MTMR1: variants seen among roughly 807,000 people sequenced by gnomAD.
The protein encoded by MTMR1 is phosphatidylinositol-3-phosphate phosphatase MTMR1.
In MTMR1, 17 loss-of-function variants were observed where a neutral mutation model predicts 51.6. The observed-to-expected ratio is 0.33, with a 90% CI of 0.23 to 0.49. The LOEUF (loss-of-function observed/expected upper bound fraction) is 0.49. Ranked by LOEUF, MTMR1 falls within the 20% of genes least tolerant of loss-of-function variation. The pLI, the probability that MTMR1 is intolerant of heterozygous loss-of-function variation, is 0.99. For synonymous variants in MTMR1, 201 were observed against 205.6 expected (o/e 0.98, Z 0.19); for missense variants, 386 against 526.9 (o/e 0.73, Z 2.62).
intron 10 of MTMR1, 39 bp from the exon 11 acceptor site, chrX:150,736,556 A>G: frequency 8.6e-7 from 1 of 1,161,880 alleles, no homozygotes; most frequent in Non-Finnish European, 1.2e-6. Context: ...AGAAAAGTTA[A>G]TTCCAGATAA....
chrX:150,729,674 C>A (rs2148623323), intron 6 of MTMR1, among the ~76,000 whole-genome samples: 1 of 112,412 alleles, frequency 8.9e-6, no homozygotes, highest in East Asian at 2.8e-4. Flanking sequence ...CTAATGTAAC[C>A]CTCCACAGAT....
chrX:150,760,112 T>C (rs1195318781), intron 15 of MTMR1, among the ~76,000 whole-genome samples: 3 of 109,005 alleles, frequency 2.8e-5, no homozygotes, highest in Non-Finnish European at 5.8e-5. Context: ...TCCATTGTGC[T>C]ACACAGAAGA....
In MTMR1 at chrX:150,693,603, G is replaced by A; in HGVS notation, c.73G>A (p.Gly25Ser). The A allele has an allele frequency of 1.3e-6, 1 of 759,092 alleles. No individual in the cohort carries two copies. The highest frequency in any genetic ancestry group is 2.3e-5 in the African/African-American group (1 of 43,600). 62.6% of individuals were successfully genotyped at this position (759,092 alleles called of 1,213,427 possible). A position where few individuals can be genotyped will look rare whatever the true frequency, so the allele number is the denominator to read the frequency against. ...GGGCCCGAACCCGGGGCCGGCGGGC[G>A]GCAGGAGGCCTCCTCGGGCCGCGGG... The part of the protein sequence containing the change: ...GGGPNPGPAG[G>S]RRPPRAAGGA... The change falls in exon 1 of 16, where the codon GGC (glycine) becomes AGC (serine). Residue 25 changes from glycine (G) to serine (S), a missense_variant. Gly to Ser is a moderately conservative substitution (Grantham distance 56, BLOSUM62 0). Coordinates refer to ENST00000445323, the MANE Select transcript of MTMR1 (RefSeq NM_001306144.3).
chrX:150,730,239 C>A, intron 7 of MTMR1, 29 bp downstream of exon 7: 2 of 1,033,847 alleles, frequency 1.9e-6, no homozygotes, highest in South Asian at 2.2e-5. Flanking sequence ...ACCTTTTCTG[C>A]ATGCATTTGT....
At chrX:150,757,287 G>A (rs2042931667) in intron 15 of MTMR1, among the ~76,000 whole-genome samples, 1 of 112,467 alleles carries the variant, frequency 8.9e-6, no homozygotes, top group African/African-American at 3.2e-5. Context: ...CATCTGCTGG[G>A]TGCGCCCCGC....
intron 12 of MTMR1, among the ~76,000 whole-genome samples, chrX:150,741,810 G>A (rs2042431070): frequency 8.9e-6 from 1 of 112,359 alleles, no homozygotes. Flanking sequence ...CAGTTCCCTA[G>A]GTGCCTTAAA....
intron 14 of MTMR1, among the ~76,000 whole-genome samples, chrX:150,751,795 G>A (rs782360079): frequency 4.5e-5 from 5 of 110,012 alleles, no homozygotes; most frequent in Non-Finnish European, 9.5e-5. Context: ...TCCAGATGCC[G>A]AGGCCAAATA....
At chrX:150,745,288 G>T (rs138214759) in intron 13 of MTMR1, among the ~76,000 whole-genome samples, 363 of 111,837 alleles carry the variant, frequency 3.2e-3, no homozygotes, top group African/African-American at 0.011. Flanking sequence ...TACAGAACAA[G>T]TTAGGGGGCT....
intron 15 of MTMR1, among the ~76,000 whole-genome samples, chrX:150,761,952 G>C (rs2043147863): frequency 8.9e-6 from 1 of 112,402 alleles, no homozygotes; most frequent in Admixed American, 9.3e-5. Context: ...TTAAAGGTGA[G>C]GCCTTGCGGT....
At chrX:150,745,551 C>T (rs1029780391) in intron 13 of MTMR1, among the ~76,000 whole-genome samples, 1 of 111,839 alleles carries the variant, frequency 8.9e-6, no homozygotes, top group Non-Finnish European at 1.9e-5. Context: ...CTGAGAGCTA[C>T]TGTTACTGAT....
intron 12 of MTMR1, among the ~76,000 whole-genome samples, chrX:150,738,066 C>CA (rs1351708032): frequency 9.0e-6 from 1 of 111,446 alleles, no homozygotes; most frequent in African/African-American, 3.3e-5. Flanking sequence ...AACTCCGTCT[C>CA]AAAAAACAAA....
At chrX:150,755,447 A>C (rs73622492) in intron 14 of MTMR1, among the ~76,000 whole-genome samples, 1 of 111,852 alleles carries the variant, frequency 8.9e-6, no homozygotes, top group Non-Finnish European at 1.9e-5. Context: ...TTCCATAGAC[A>C]CAGTTGTCGG....
At chrX:150,696,296 G>A (rs187686605) in intron 1 of MTMR1, among the ~76,000 whole-genome samples, 53 of 111,745 alleles carry the variant, frequency 4.7e-4, no homozygotes, top group African/African-American at 1.7e-3. Flanking sequence ...AACAAGCTCA[G>A]ATTCACACTT....
intron 2 of MTMR1, among the ~76,000 whole-genome samples, chrX:150,705,002 A>AC (rs1362559705): frequency 1.5e-5 from 1 of 65,208 alleles, no homozygotes; most frequent in Non-Finnish European, 3.5e-5. Context: ...ACAAACAATG[A>AC]AAAAAAAAAT....
intron 14 of MTMR1, among the ~76,000 whole-genome samples, chrX:150,753,590 G>A (rs1221754067): frequency 8.9e-6 from 1 of 112,571 alleles, no homozygotes; most frequent in African/African-American, 3.2e-5. Flanking sequence ...ATTTCCATGT[G>A]CTTATTGGCC....
intron 14 of MTMR1, among the ~76,000 whole-genome samples, chrX:150,754,206 G>A (rs1557417680): frequency 8.8e-6 from 1 of 113,180 alleles, no homozygotes; most frequent in African/African-American, 3.2e-5. Flanking sequence ...CGCCAGCACT[G>A]CTGGCATTGA....
intron 10 of MTMR1, chrX:150,735,871 G>GA: frequency 7.1e-6 from 1 of 141,415 alleles, no homozygotes; most frequent in Non-Finnish European, 1.4e-5. Flanking sequence ...CTTCTCAGTG[G>GA]ACAACTCTGT....
intron 12 of MTMR1, 63 bp from the exon 13 acceptor site, chrX:150,744,298 T>TA (rs1463133229): frequency 4.2e-6 from 4 of 954,439 alleles, no homozygotes; most frequent in Non-Finnish European, 6.0e-6. Flanking sequence ...CTGGACAACT[T>TA]ACAGTGACTT....
intron 14 of MTMR1, among the ~76,000 whole-genome samples, chrX:150,753,655 T>C (rs2042819368): frequency 8.9e-6 from 1 of 112,331 alleles, no homozygotes; most frequent in Admixed American, 9.4e-5. Context: ...CATTTTAAAA[T>C]TGTGGTGTTT....
Sources: allele counts gnomAD v4.1 joint callset (sites outside exome capture counted in the v4.1 genomes callset), GRCh38; gene constraint gnomAD v4.1.1; transcripts MANE v1.5; gene names NCBI Gene and HGNC (gene_info 2026-07-23, HGNC 2026-07-21).